The following SUSD6 variants were observed in gnomAD, a reference collection of about 807,000 sequenced individuals.
The protein encoded by SUSD6 is sushi domain containing 6.
Under a neutral mutation model 28.4 loss-of-function variants are expected in SUSD6, and 16 were observed. The observed-to-expected ratio is 0.56, with a 90% CI of 0.38 to 0.86. SUSD6 has a LOEUF of 0.86. Among genes scored for constraint, SUSD6 ranks in the 40% least tolerant of loss-of-function variants. The pLI is 0.00. For synonymous variants in SUSD6, 147 were observed against 159.6 expected (o/e 0.92, Z 0.59); for missense variants, 341 against 384.2 (o/e 0.89, Z 0.94).
intron 5 of SUSD6, among the ~76,000 whole-genome samples, chr14:69,709,612 C>T (rs1336837247): frequency 6.6e-6 from 1 of 152,194 alleles, no homozygotes; most frequent in East Asian, 1.9e-4. Context: ...TATTGACATC[C>T]CCATTTTACA....
intron 1 of SUSD6, among the ~76,000 whole-genome samples, chr14:69,627,512 C>G (rs1885131226): frequency 1.3e-5 from 2 of 152,206 alleles, no homozygotes; most frequent in African/African-American, 4.8e-5. Context: ...GAGTCTCACT[C>G]TGTTCCCCAG....
At chr14:69,659,589 C>G (rs536744515) in intron 2 of SUSD6, among the ~76,000 whole-genome samples, 18 of 152,302 alleles carry the variant, frequency 1.2e-4, no homozygotes, top group African/African-American at 4.3e-4. Context: ...ACGATCGTGG[C>G]TCACTGCAAC....
intron 2 of SUSD6, among the ~76,000 whole-genome samples, chr14:69,690,206 G>A (rs1886134206): frequency 6.6e-6 from 1 of 152,192 alleles, no homozygotes; most frequent in African/African-American, 2.4e-5. Flanking sequence ...CAGGTGACAG[G>A]GGCATGGTCC....
chr14:69,646,409 T>C (rs1242546122), intron 1 of SUSD6, among the ~76,000 whole-genome samples: 1 of 152,188 alleles, frequency 6.6e-6, no homozygotes, highest in Admixed American at 6.5e-5. Context: ...TTTTGCATGG[T>C]TTCAACTGTC....
In SUSD6 at chr14:69,705,681, C is replaced by T. The variant is rs550798290; in HGVS notation, c.458+939C>T. On this transcript the variant is annotated intron_variant, in intron 4 of 5. Coordinates refer to ENST00000342745, the MANE Select transcript of SUSD6 (RefSeq NM_014734.4). ...CCTGGCATTCACTTTTTATAAAAAG[C>T]TCAGTTTTTCTGTGCAACTAGGATT... 2.0e-5 allele frequency among the ~76,000 whole-genome samples: 3 copies of T among 152,194 alleles called. No homozygotes were observed. The South Asian group carries it at 6.2e-4, about 31-fold the overall frequency.
Position 69,673,663 on chromosome 14 carries a change from G to A in SUSD6, c.121+14950G>A, listed in dbSNP as rs1475890337. ...TACAGCAAGGAGCCAGACCTGGTGA[G>A]CCCCGGGGCTGGATCATTTTCATTT... On this transcript the variant is annotated intron_variant, in intron 2 of 5. Transcript: ENST00000342745. Among the ~76,000 whole-genome samples the A allele has an allele frequency of 2.6e-5, 4 of 152,256 alleles. No individual in the cohort carries two copies. The East Asian group carries it at 5.8e-4, about 22-fold the overall frequency.
chr14:69,666,016 A>G (rs1046257750), intron 2 of SUSD6, among the ~76,000 whole-genome samples: 1 of 152,232 alleles, frequency 6.6e-6, no homozygotes, highest in African/African-American at 2.4e-5. Context: ...CCTAGCACCA[A>G]TTGATATCAT....
intron 2 of SUSD6, among the ~76,000 whole-genome samples, chr14:69,686,380 A>G (rs1321103627): frequency 6.6e-6 from 1 of 152,180 alleles, no homozygotes; most frequent in Admixed American, 6.5e-5. Context: ...GGTCCTTGCT[A>G]GGGAAGTAGG....
intron 1 of SUSD6, among the ~76,000 whole-genome samples, chr14:69,619,961 A>G (rs985663362): frequency 8.5e-5 from 13 of 152,228 alleles, no homozygotes; most frequent in African/African-American, 3.1e-4. Context: ...CACATCTATA[A>G]CTGTATGTCT....
chr14:69,687,326 T>C (rs1886088205), intron 2 of SUSD6, among the ~76,000 whole-genome samples: 1 of 151,772 alleles, frequency 6.6e-6, no homozygotes, highest in African/African-American at 2.4e-5. Context: ...GGCCAGGCTG[T>C]TCTCGAACTC....
At chr14:69,684,541 C>T (rs1409579678) in intron 2 of SUSD6, among the ~76,000 whole-genome samples, 2 of 152,216 alleles carry the variant, frequency 1.3e-5, no homozygotes, top group East Asian at 1.9e-4. Flanking sequence ...GGAGATACTG[C>T]CCAGTTTTCT....
At chr14:69,690,444 G>C (rs1886136997) in intron 2 of SUSD6, among the ~76,000 whole-genome samples, 1 of 152,208 alleles carries the variant, frequency 6.6e-6, no homozygotes, top group South Asian at 2.1e-4. Context: ...CCTTAAAGAG[G>C]CTTAAATGTG....
chr14:69,710,960 C>G lies in SUSD6; in HGVS notation c.893C>G (p.Pro298Arg), dbSNP rs1421507191. ...LTSEEYTDDIPLLKEA is the reference protein window; with the variant it reads ...LTSEEYTDDIRLLKEA ...TCTTCTGGTCTTCCTGCAGATATTC[C>G]ACTGTTGAAAGAAGCATGAGGGCAG... The change falls in exon 6 of 6, where the codon CCA (proline) becomes CGA (arginine). Residue 298 changes from proline (P) to arginine (R), a missense_variant. Physicochemically the swap from Pro to Arg is moderately radical, Grantham distance 103. Transcript: ENST00000342745. 9.9e-6 allele frequency: 16 copies of G among 1,613,954 alleles called. No homozygotes were observed. The highest frequency in any genetic ancestry group is 1.2e-5 in the Non-Finnish European group (14 of 1,179,986).
intron 2 of SUSD6, among the ~76,000 whole-genome samples, chr14:69,688,258 A>G (rs1886103964): frequency 6.6e-6 from 1 of 152,210 alleles, no homozygotes; most frequent in Non-Finnish European, 1.5e-5. Flanking sequence ...ATTTGAATAA[A>G]ATTGGATTGT....
chr14:69,623,050 A>G (rs1489779099), intron 1 of SUSD6, among the ~76,000 whole-genome samples: 1 of 152,196 alleles, frequency 6.6e-6, no homozygotes, highest in Non-Finnish European at 1.5e-5. Context: ...CAAATGCTAA[A>G]TCAGACACCG....
chr14:69,628,602 C>T (rs959815047), intron 1 of SUSD6, among the ~76,000 whole-genome samples: 2 of 152,054 alleles, frequency 1.3e-5, no homozygotes, highest in African/African-American at 2.4e-5. Flanking sequence ...TGCTTTAACT[C>T]GGTAGGCTAA....
Position 69,624,804 on chromosome 14 carries a change from A to G in SUSD6, c.-81+12976A>G, listed in dbSNP as rs557200707. Among the ~76,000 whole-genome samples the G allele has an allele frequency of 2.6e-5, 4 of 152,214 alleles. No individual in the cohort carries two copies. The South Asian group carries it at 8.3e-4, about 32-fold the overall frequency. On this transcript the variant is annotated intron_variant, in intron 1 of 5. Transcript: ENST00000342745. ...GATAGAAATGATGTTAACACTACCC[A>G]TCTATAGAAGGGTGGCTACCAAAAT... is the stretch of plus-strand genomic sequence containing the variant.
chr14:69,673,610 A>T (rs1012250915), intron 2 of SUSD6, among the ~76,000 whole-genome samples: 9 of 152,176 alleles, frequency 5.9e-5, no homozygotes, highest in African/African-American at 2.2e-4. Flanking sequence ...TCTCTTCTCC[A>T]TGCTGGTCTG....
chr14:69,643,650 A>AG (rs1885385145), intron 1 of SUSD6, among the ~76,000 whole-genome samples: 1 of 152,216 alleles, frequency 6.6e-6, no homozygotes, highest in Admixed American at 6.5e-5. Context: ...AGTCAGGCCC[A>AG]GACAGCCGTG....
Sources: allele counts gnomAD v4.1 joint callset (sites outside exome capture counted in the v4.1 genomes callset), GRCh38; gene constraint gnomAD v4.1.1; transcripts MANE v1.5; gene names NCBI Gene and HGNC (gene_info 2026-07-23, HGNC 2026-07-21).